Variants in C10orf90 observed in about 807,000 individuals in gnomAD.
The protein encoded by C10orf90 is (E2-independent) E3 ubiquitin-conjugating enzyme FATS.
In C10orf90, 56 loss-of-function variants were observed where a neutral mutation model predicts 62.5. That is an observed-to-expected ratio of 0.90 (90% CI 0.72 to 1.12). C10orf90 has a LOEUF of 1.12. Among genes scored for constraint, C10orf90 ranks in the 50% most tolerant of loss-of-function variants. The pLI, the probability that C10orf90 is intolerant of heterozygous loss-of-function variation, is 0.00. For synonymous variants in C10orf90, 386 were observed against 340.4 expected (o/e 1.13, Z -1.47); for missense variants, 970 against 880.4 (o/e 1.10, Z -1.29).
chr10:126,524,795 G>A (rs1863884731), intron 2 of C10orf90: 1 of 985,510 alleles, frequency 1.0e-6, no homozygotes, highest in Non-Finnish European at 1.2e-6. Context: ...CAAGAGCTGG[G>A]GGCCATCGAG....
chr10:126,625,251 T>C, intron 2 of C10orf90, among the ~76,000 whole-genome samples: 1 of 152,094 alleles, frequency 6.6e-6, no homozygotes, highest in East Asian at 1.9e-4. Flanking sequence ...CACTTCCTCA[T>C]GTATTATCCA....
chr10:126,613,197 C>G (rs946305166), intron 2 of C10orf90, among the ~76,000 whole-genome samples: 1 of 152,092 alleles, frequency 6.6e-6, no homozygotes, highest in African/African-American at 2.4e-5. Flanking sequence ...AAGACCAAAG[C>G]TACAGGTGAC....
rs1489162967 is a variant in C10orf90 at position 126,456,801 on chromosome 10, C to A, written c.2188+2239G>T. 3.3e-5 allele frequency among the ~76,000 whole-genome samples: 5 copies of A among 152,082 alleles called. No individual in the cohort carries two copies. The highest frequency in any genetic ancestry group is 5.9e-5 in the Non-Finnish European group (4 of 68,020). The stretch of plus-strand genomic sequence containing the variant: ...GACAGAGGCAGAGACTGTAGTGCCG[C>A]ATCTACAAACCAAGGAACATCAAGG... On this transcript the variant is annotated intron_variant, in intron 7 of 9. Transcript: ENST00000488181. This position sits in a 1 kb window ranked among gnomAD's most constrained non-coding sequence, Gnocchi z 4.9.
At chr10:126,662,060 A>G (rs1846526254) in intron 1 of C10orf90, among the ~76,000 whole-genome samples, 1 of 149,166 alleles carries the variant, frequency 6.7e-6, no homozygotes, top group Admixed American at 6.8e-5. Context: ...TAAATTTTAT[A>G]TTATTGCTTG....
Position 126,461,396 on chromosome 10 carries a change from C to T in C10orf90, c.2010+5G>A. On this transcript the variant is annotated splice_donor_5th_base_variant and intron_variant, in intron 6 of 9. Coordinates refer to ENST00000488181, the MANE Select transcript of C10orf90 (RefSeq NM_001350921.2). ...AATCAAGCCAGGACACACAGAAGGC[C>T]TTACTTGCAAGGTCAAAGATCTTGC... is the stretch of plus-strand genomic sequence containing the variant. 1 of 1,613,768 alleles carries T rather than the reference C, an allele frequency of 6.2e-7. No homozygotes were observed. The highest frequency in any genetic ancestry group is 1.3e-5 in the African/African-American group (1 of 75,006).
intron 2 of C10orf90, among the ~76,000 whole-genome samples, chr10:126,573,052 C>G (rs773936870): frequency 6.6e-6 from 1 of 152,126 alleles, no homozygotes. Context: ...CCCTCAGACA[C>G]CGAATTGTAG....
intron 4 of C10orf90, among the ~76,000 whole-genome samples, chr10:126,493,654 C>A (rs7896733): frequency 2.0e-5 from 3 of 152,236 alleles, no homozygotes; most frequent in Admixed American, 1.3e-4. Context: ...CCAAGCCTGG[C>A]TGTGTTTTGC....
intron 1 of C10orf90, among the ~76,000 whole-genome samples, chr10:126,661,543 A>G (rs1032169273): frequency 8.5e-5 from 13 of 152,160 alleles, no homozygotes; most frequent in Admixed American, 2.6e-4. Context: ...TGAAATGTGG[A>G]TATGGTTTCC....
At chr10:126,445,787 A>G (rs867669577) in intron 7 of C10orf90, among the ~76,000 whole-genome samples, 1 of 142,614 alleles carries the variant, frequency 7.0e-6, no homozygotes, top group African/African-American at 2.6e-5. Context: ...ATTAATGAGT[A>G]GATAAAGAAA....
chr10:126,634,504 C>A (rs151290846), intron 2 of C10orf90, among the ~76,000 whole-genome samples: 671 of 152,216 alleles, frequency 4.4e-3, no homozygotes, highest in Non-Finnish European at 6.4e-3. Context: ...CATAAAGTTT[C>A]AGTCCAGCAA....
intron 4 of C10orf90, among the ~76,000 whole-genome samples, chr10:126,466,268 G>T (rs1860279355): frequency 1.3e-5 from 2 of 152,018 alleles, no homozygotes; most frequent in African/African-American, 4.8e-5. Flanking sequence ...GAATATTCTT[G>T]CTTGGGAGGC....
intron 7 of C10orf90, among the ~76,000 whole-genome samples, chr10:126,437,468 G>C (rs1857997352): frequency 6.6e-6 from 1 of 152,116 alleles, no homozygotes; most frequent in Admixed American, 6.6e-5. Context: ...CCCTGCTTGG[G>C]TTTGAGGACC....
chr10:126,565,119 A>ATG (rs1564874025), intron 2 of C10orf90, among the ~76,000 whole-genome samples: 7 of 43,550 alleles, frequency 1.6e-4, no homozygotes, highest in Admixed American at 4.5e-4. Flanking sequence ...TATATATTAT[A>ATG]TAATATATAA....
chr10:126,488,970 T>C (rs1393197796), intron 4 of C10orf90, among the ~76,000 whole-genome samples: 1 of 152,130 alleles, frequency 6.6e-6, no homozygotes, highest in Non-Finnish European at 1.5e-5. Context: ...GAAGAAATAG[T>C]TCCAATCCTC....
chr10:126,570,504 C>T (rs1844484846), intron 2 of C10orf90, among the ~76,000 whole-genome samples: 1 of 152,116 alleles, frequency 6.6e-6, no homozygotes, highest in Admixed American at 6.5e-5. Flanking sequence ...GACTTTAAAA[C>T]TTAATTAGGA....
intron 4 of C10orf90, among the ~76,000 whole-genome samples, chr10:126,481,332 T>C (rs1861151206): frequency 6.6e-6 from 1 of 152,264 alleles, no homozygotes; most frequent in Non-Finnish European, 1.5e-5. Context: ...GCAAGCTCCA[T>C]GTCAGCAAGG....
intron 2 of C10orf90, among the ~76,000 whole-genome samples, chr10:126,604,815 A>G (rs1845272585): frequency 6.6e-6 from 1 of 152,216 alleles, no homozygotes; most frequent in African/African-American, 2.4e-5. Flanking sequence ...CTGACAATTT[A>G]ATCAGGTAAG....
At chr10:126,602,175 A>G (rs983839409) in intron 2 of C10orf90, among the ~76,000 whole-genome samples, 2 of 152,178 alleles carry the variant, frequency 1.3e-5, no homozygotes, top group African/African-American at 4.8e-5. Flanking sequence ...CTTCTGATGA[A>G]TCACATCTCT....
chr10:126,646,295 C>T (rs1846169298), intron 2 of C10orf90, among the ~76,000 whole-genome samples: 1 of 152,236 alleles, frequency 6.6e-6, no homozygotes, highest in Non-Finnish European at 1.5e-5. Context: ...GCCTGACCCA[C>T]ATGCTCCACG....
Sources: gnomAD v4.1 joint callset for allele counts (sites outside exome capture counted in the v4.1 genomes callset) on GRCh38, gnomAD v4.1.1 for gene constraint, Gnocchi (gnomAD v3.1) non-coding constraint, MANE v1.5 for transcripts, NCBI Gene and HGNC (gene_info 2026-07-23, HGNC 2026-07-21) for gene names.